Variants in PCDHA10 observed in about 807,000 individuals in gnomAD.
PCDHA10 encodes protocadherin alpha-10.
Under a neutral mutation model 61.2 loss-of-function variants are expected in PCDHA10, and 45 were observed. The ratio of observed to expected loss-of-function variants is 0.74; its 90% CI spans 0.58 to 0.94. The LOEUF (loss-of-function observed/expected upper bound fraction) is 0.94, where lower values mean the gene tolerates loss of function less well. PCDHA10 is among the 40% of genes least tolerant of loss of function. The probability of loss-of-function intolerance (pLI) is 0.00; values close to 1 mark genes in which losing one functional copy is unlikely to be tolerated. For synonymous variants in PCDHA10, 602 were observed against 548.8 expected, an observed-to-expected ratio of 1.10 and a Z score of -1.35; for missense variants, 1,278 against 1,236.2, an observed-to-expected ratio of 1.03 and a Z score of -0.51.
chr5:140,857,278 C>A lies in PCDHA10; in HGVS notation c.1230C>A (p.Ser410Arg), dbSNP rs541123870. Residue 410 changes from serine (S) to arginine (R), a missense_variant, in exon 1 of 4, where the codon AGC becomes AGA. Transcript: ENST00000307360. ...ATTACTACTCATTGGTGCTGGACAGCGCTCTGGACCGCGAGAGGGTGTCGG... is the reference window on the plus strand; with the variant it reads ...ATTACTACTCATTGGTGCTGGACAGAGCTCTGGACCGCGAGAGGGTGTCGG... ...YKNYYSLVLD[S>R]ALDRERVSAY... The A allele has an allele frequency of 1.8e-5, 29 of 1,598,570 alleles. 3 individuals are homozygous for A. The highest frequency in any genetic ancestry group is 1.7e-4 in the Middle Eastern group (1 of 5,938).
At chr5:140,927,721 C>G in intron 1 of PCDHA10, 1 of 1,614,204 alleles carries the variant, frequency 6.2e-7, no homozygotes, top group Non-Finnish European at 8.5e-7. Flanking sequence ...CAACAGCACG[C>G]AAGCAGAGCT....
In PCDHA10 at chr5:140,912,862, T is replaced by C. The variant is rs181526076; in HGVS notation, c.2388+54426T>C. On this transcript the variant is annotated intron_variant, in intron 1 of 3. Coordinates refer to ENST00000307360, the MANE Select transcript of PCDHA10 (RefSeq NM_018901.4). Reference sequence around the variant, plus strand: ...GCTTTTTCAGCATCAATTGAAATGATATATGGTTTTTGGTCTTCATTCTGT... The same window carrying C: ...GCTTTTTCAGCATCAATTGAAATGACATATGGTTTTTGGTCTTCATTCTGT... Among the ~76,000 whole-genome samples, 6 of 152,338 alleles carry C rather than the reference T, an allele frequency of 3.9e-5. No individual in the cohort carries two copies. In the East Asian group the frequency reaches 1.2e-3, roughly 29 times the overall value.
At chr5:140,929,051 G>A (rs1398009156) in intron 1 of PCDHA10, 2 of 1,614,170 alleles carry the variant, frequency 1.2e-6, no homozygotes, top group South Asian at 1.1e-5. Flanking sequence ...AGCTGCTGTC[G>A]CTCTACAGAG....
At chr5:140,956,073 T>C (rs2095254120) in intron 1 of PCDHA10, among the ~76,000 whole-genome samples, 1 of 152,208 alleles carries the variant, frequency 6.6e-6, no homozygotes, top group South Asian at 2.1e-4. Context: ...TTTCCAGATA[T>C]AGGATCATGT....
intron 1 of PCDHA10, 78 bp from the exon 2 acceptor site, chr5:140,978,871 T>A (rs1328301924): frequency 6.2e-7 from 1 of 1,606,392 alleles, no homozygotes; most frequent in Non-Finnish European, 8.5e-7. Context: ...TTTAAGGGAG[T>A]AACTAATCAA....
At chr5:140,956,314 G>C (rs1262942129) in intron 1 of PCDHA10, among the ~76,000 whole-genome samples, 2 of 152,036 alleles carry the variant, frequency 1.3e-5, no homozygotes, top group Admixed American at 6.6e-5. Context: ...ATTATTTTGA[G>C]ATATGTTCCT....
In PCDHA10 at chr5:140,856,960, T is replaced by C; in HGVS notation, c.912T>C (p.Asn304=). The C allele has an allele frequency of 1.3e-6, 2 of 1,593,258 alleles. No individual in the cohort carries two copies. The highest frequency in any genetic ancestry group is 8.6e-7 in the Non-Finnish European group (1 of 1,163,342). ...INERTGEIKV[N]DAIDFEDSNT... is the part of the protein sequence containing the mutation. ...AAAGGACGGGAGAAATAAAAGTAAA[T>C]GATGCTATTGACTTTGAGGACAGTA... Residue 304 remains asparagine (N), a synonymous_variant, in exon 1 of 4, where the codon AAT becomes AAC. Coordinates refer to ENST00000307360, the MANE Select transcript of PCDHA10 (RefSeq NM_018901.4).
rs947466965 is a variant in PCDHA10, at chr5:140,856,717, A to G, written c.669A>G (p.Gly223=). 1 of 1,596,480 alleles carries G rather than the reference A, an allele frequency of 6.3e-7. No homozygotes were observed. Among genetic ancestry groups the G allele is most frequent in the Non-Finnish European group, 8.6e-7 (1 of 1,166,206 alleles). The change falls in exon 1 of 4, where the codon GGA becomes GGG. Residue 223 remains glycine, a synonymous_variant. Coordinates refer to ENST00000307360, the MANE Select transcript of PCDHA10 (RefSeq NM_018901.4). ...ATDGGKPEFT[G]SVSLLILVLD... Reference sequence around the variant, plus strand: ...ATGGAGGCAAACCTGAATTTACCGGATCTGTTTCTCTGCTGATCCTGGTGT... The same window carrying G: ...ATGGAGGCAAACCTGAATTTACCGGGTCTGTTTCTCTGCTGATCCTGGTGT...
In PCDHA10 at chr5:140,967,285, G is replaced by C. The variant is rs150694611; in HGVS notation, c.2389-11664G>C. 6,229 of 1,613,054 alleles carry C rather than the reference G, an allele frequency of 3.9e-3. 11 individuals carry two copies. The highest frequency in any genetic ancestry group is 5.0e-3 in the Non-Finnish European group (5,885 of 1,179,544). On this transcript the variant is annotated intron_variant, in intron 1 of 3. Coordinates refer to ENST00000307360, the MANE Select transcript of PCDHA10 (RefSeq NM_018901.4). Reference sequence around the variant, plus strand: ...CGCGCTTTCACATAGAGAGTGCGCAGGACCCCGACGTGGGCGCCAACTCAG... The same window carrying C: ...CGCGCTTTCACATAGAGAGTGCGCACGACCCCGACGTGGGCGCCAACTCAG...
At chr5:140,870,423 A>G in intron 1 of PCDHA10, 2 of 1,614,178 alleles carry the variant, frequency 1.2e-6, no homozygotes, top group African/African-American at 1.3e-5. Flanking sequence ...CGGCCAGGGT[A>G]TCCGTGGAGG....
At chr5:140,985,981 C>T (rs966841419) in intron 3 of PCDHA10, among the ~76,000 whole-genome samples, 18 of 152,140 alleles carry the variant, frequency 1.2e-4, no homozygotes, top group Middle Eastern at 6.8e-3. Context: ...CCTCGTGATC[C>T]GCCCACCTCA....
intron 1 of PCDHA10, chr5:140,871,378 T>C: frequency 6.2e-7 from 1 of 1,614,188 alleles, no homozygotes; most frequent in South Asian, 1.1e-5. Context: ...GAGGGTGTGC[T>C]CTGAGGAGGG....
intron 3 of PCDHA10, among the ~76,000 whole-genome samples, chr5:140,995,873 C>T (rs1554254864): frequency 6.6e-6 from 1 of 152,126 alleles, no homozygotes; most frequent in Non-Finnish European, 1.5e-5. Flanking sequence ...AATTGTGCAA[C>T]CTGTGCTTCA....
chr5:140,886,023 C>A (rs759768435), intron 1 of PCDHA10, among the ~76,000 whole-genome samples: 5 of 152,078 alleles, frequency 3.3e-5, no homozygotes, highest in Non-Finnish European at 7.4e-5. Flanking sequence ...GCTATGTATT[C>A]TTCACTAAGT....
chr5:140,966,698 G>C, intron 1 of PCDHA10: 2 of 1,363,568 alleles, frequency 1.5e-6, no homozygotes, highest in Non-Finnish European at 1.9e-6. Flanking sequence ...CGGGGCCCGG[G>C]CGTGGGGCAC....
At chr5:140,884,603 T>A in intron 1 of PCDHA10, 4 of 1,614,132 alleles carry the variant, frequency 2.5e-6, no homozygotes, top group Non-Finnish European at 3.4e-6. Flanking sequence ...CCTTCCTCCT[T>A]GTCTGGGTTC....
chr5:140,868,183 T>A (rs1286748964), intron 1 of PCDHA10: 2 of 152,160 alleles, frequency 1.3e-5, no homozygotes, highest in African/African-American at 4.8e-5. Flanking sequence ...TCTCATATTA[T>A]GCTACTATGG....
intron 1 of PCDHA10, among the ~76,000 whole-genome samples, chr5:140,906,693 G>A (rs887867103): frequency 6.6e-6 from 1 of 152,082 alleles, no homozygotes; most frequent in African/African-American, 2.4e-5. Context: ...GAAGGATCTG[G>A]GCCATTTGTA....
At chr5:141,005,095 A>T (rs1554259887) in intron 3 of PCDHA10, among the ~76,000 whole-genome samples, 1 of 152,192 alleles carries the variant, frequency 6.6e-6, no homozygotes, top group South Asian at 2.1e-4. Flanking sequence ...CTTTACATGC[A>T]TTACATCATT....
Sources: gnomAD v4.1 joint callset for allele counts (sites outside exome capture counted in the v4.1 genomes callset) on GRCh38, gnomAD v4.1.1 for gene constraint, MANE v1.5 for transcripts, NCBI Gene and HGNC (gene_info 2026-07-23, HGNC 2026-07-21) for gene names.